TRAF3: variants seen among roughly 807,000 people sequenced by gnomAD.
The protein encoded by TRAF3 is TNF receptor associated factor 3, also known as TNF receptor-associated factor 3.
Under a neutral mutation model 62.3 loss-of-function variants are expected in TRAF3, and 13 were observed. The observed-to-expected ratio is 0.21, with a 90% CI of 0.14 to 0.33. The LOEUF is 0.33. Ranked by LOEUF, TRAF3 falls within the 10% of genes least tolerant of loss-of-function variation. The pLI is 1.00. For missense variants in TRAF3, 440 were observed against 741.8 expected, an observed-to-expected ratio of 0.59 and a Z score of 4.73; for synonymous variants, 269 against 283.4, an observed-to-expected ratio of 0.95 and a Z score of 0.51.
intron 6 of TRAF3, among the ~76,000 whole-genome samples, chr14:102,882,217 A>G (rs1156858121): frequency 3.9e-5 from 6 of 152,240 alleles, no homozygotes; most frequent in Non-Finnish European, 8.8e-5. Flanking sequence ...ACAAGGGAGA[A>G]AGAGAATAGA....
chr14:102,836,196 G>C (rs1885993136), intron 2 of TRAF3, among the ~76,000 whole-genome samples: 1 of 152,224 alleles, frequency 6.6e-6, no homozygotes, highest in Admixed American at 6.5e-5. Context: ...GGCTGGCCAG[G>C]GCCTGTGCAC....
At chr14:102,868,442 G>T (rs956997060) in intron 2 of TRAF3, among the ~76,000 whole-genome samples, 1 of 152,160 alleles carries the variant, frequency 6.6e-6, no homozygotes, top group Non-Finnish European at 1.5e-5. Flanking sequence ...AGGGGCTGTT[G>T]ACAGTGGGGG....
chr14:102,898,014 C>T (rs901215209), intron 10 of TRAF3, among the ~76,000 whole-genome samples: 2 of 152,250 alleles, frequency 1.3e-5, no homozygotes, highest in Non-Finnish European at 2.9e-5. Flanking sequence ...ATGCTCTCTG[C>T]ACATTCACTT....
At position 102,903,576 on chromosome 14, in the gene TRAF3, G is replaced by A; in HGVS notation, c.1135+147G>A. ...TATGGGTAACACGCAGAGGTGTGAT[G>A]ACTTTCCTACTGAAAGTCCCCCAGC... On this transcript the variant is annotated intron_variant, in intron 11 of 11. Coordinates refer to ENST00000392745, the MANE Select transcript of TRAF3 (RefSeq NM_145725.3). The surrounding 1 kb of genome is among the most constrained non-coding windows in gnomAD (Gnocchi z 6.4). 8.3e-7 allele frequency: 1 copy of A among 1,199,214 alleles called. No homozygotes were observed. Among genetic ancestry groups the A allele is most frequent in the Non-Finnish European group, 1.2e-6 (1 of 837,696 alleles). The allele number at this position is 1,199,214 out of a possible 1,614,324, so 74.3% of individuals were successfully genotyped here.
intron 10 of TRAF3, among the ~76,000 whole-genome samples, chr14:102,901,812 C>G (rs1466668396): frequency 1.3e-5 from 2 of 152,194 alleles, no homozygotes; most frequent in Non-Finnish European, 2.9e-5. Context: ...GTGCTGAAAC[C>G]TAGATGTTTA....
chr14:102,822,937 C>T (rs899708060), intron 1 of TRAF3, among the ~76,000 whole-genome samples: 7 of 150,342 alleles, frequency 4.7e-5, no homozygotes, highest in Non-Finnish European at 1.0e-4. Flanking sequence ...ACCCGGGAGG[C>T]AGAGGTTGCG....
chr14:102,875,458 C>T (rs1164372195), intron 4 of TRAF3, among the ~76,000 whole-genome samples, 166 bp from the exon 5 acceptor site: 1 of 150,670 alleles, frequency 6.6e-6, no homozygotes, highest in Non-Finnish European at 1.5e-5. Context: ...GGGGCAGCTT[C>T]TTCATTCTAC....
At chr14:102,840,209 A>G (rs995159516) in intron 2 of TRAF3, among the ~76,000 whole-genome samples, 1 of 152,158 alleles carries the variant, frequency 6.6e-6, no homozygotes. Context: ...AAAAAAATCC[A>G]TGATGAAAAA....
intron 2 of TRAF3, among the ~76,000 whole-genome samples, chr14:102,845,969 C>T (rs530568847): frequency 5.0e-5 from 5 of 100,202 alleles, no homozygotes; most frequent in East Asian, 6.3e-4. Flanking sequence ...TGACAGAGGT[C>T]GACCGTGTCT....
intron 6 of TRAF3, among the ~76,000 whole-genome samples, chr14:102,882,589 A>G (rs1345297851): frequency 7.0e-6 from 1 of 141,986 alleles, no homozygotes; most frequent in Non-Finnish European, 1.5e-5. Context: ...TTTCAATTTG[A>G]ACACCCTTAT....
intron 1 of TRAF3, among the ~76,000 whole-genome samples, chr14:102,824,003 C>G (rs1178604468): frequency 6.6e-6 from 1 of 152,152 alleles, no homozygotes; most frequent in African/African-American, 2.4e-5. Flanking sequence ...ATTTGTTAGT[C>G]CATTGATAGA....
chr14:102,860,652 G>A (rs765096542), intron 2 of TRAF3, among the ~76,000 whole-genome samples: 28 of 152,280 alleles, frequency 1.8e-4, no homozygotes, highest in Non-Finnish European at 3.5e-4. Flanking sequence ...TCAACAAATG[G>A]CACAGGTCAC....
chr14:102,894,304 G>T (rs974740349), intron 9 of TRAF3, among the ~76,000 whole-genome samples: 3 of 152,088 alleles, frequency 2.0e-5, no homozygotes, highest in African/African-American at 7.2e-5. Flanking sequence ...TCCAGCCTGG[G>T]TGACAGAGTG....
chr14:102,792,832 C>G (rs560973509), intron 1 of TRAF3, among the ~76,000 whole-genome samples: 1 of 151,600 alleles, frequency 6.6e-6, no homozygotes, highest in East Asian at 1.9e-4. Flanking sequence ...GAATATTAGT[C>G]TGTAGTTTTC....
intron 6 of TRAF3, among the ~76,000 whole-genome samples, chr14:102,883,795 A>C (rs927915645): frequency 6.6e-6 from 1 of 152,192 alleles, no homozygotes; most frequent in Non-Finnish European, 1.5e-5. Context: ...CATGTTGGCC[A>C]GGCTGGTTTC....
In TRAF3 at chr14:102,910,321, A is replaced by T. The variant is rs1047905675; in HGVS notation, c.*4537A>T. On this transcript the variant is annotated 3_prime_UTR_variant, in exon 12 of 12. Transcript: ENST00000392745. ...GAAGGAGAGCTAGGGAGAGTGGGGG[A>T]AGCCCCCTTGCTTTTGTATCTGTGA... is the stretch of plus-strand genomic sequence containing the variant. The T allele has an allele frequency of 2.0e-5, 3 of 152,250 alleles. No individual in the cohort carries two copies. The highest frequency in any genetic ancestry group is 7.2e-5 in the African/African-American group (3 of 41,474). 9.4% of individuals were successfully genotyped at this position (152,250 alleles called of 1,614,324 possible).
intron 7 of TRAF3, among the ~76,000 whole-genome samples, chr14:102,888,917 C>A (rs567405880): frequency 6.6e-6 from 1 of 152,258 alleles, no homozygotes; most frequent in Non-Finnish European, 1.5e-5. Flanking sequence ...AAACGAGTTA[C>A]CTGCTCCCAG....
In TRAF3 at chr14:102,903,049, C is replaced by T; in HGVS notation, c.961-206C>T. The T allele has an allele frequency of 1.5e-6, 1 of 689,606 alleles. No homozygotes were observed. The highest frequency in any genetic ancestry group is 2.6e-6 in the Non-Finnish European group (1 of 385,730). 42.7% of individuals were successfully genotyped at this position (689,606 alleles called of 1,614,324 possible). On this transcript the variant is annotated intron_variant, in intron 10 of 11. Transcript: ENST00000392745. This position sits in a 1 kb window ranked among gnomAD's most constrained non-coding sequence, Gnocchi z 6.4. ...GTGGCTTCATGTCACCTCGAGTGCT[C>T]CCTGCCGGCACAAGCACTTGATCCC...
In TRAF3 at chr14:102,910,636, C is replaced by T. The variant is rs1310575504; in HGVS notation, c.*4852C>T. 1 of 152,246 alleles carries T rather than the reference C, an allele frequency of 6.6e-6. No individual in the cohort carries two copies. Among genetic ancestry groups the T allele is most frequent in the Non-Finnish European group, 1.5e-5 (1 of 68,066 alleles). The allele number at this position is 152,246 out of a possible 1,614,324, so 9.4% of individuals were successfully genotyped here. A position where few individuals can be genotyped will look rare whatever the true frequency, so the allele number is the denominator to read the frequency against. ...TTTTCCACCTGATCCTGGTGTGCCC[C>T]ACATGCGGTGGCAGGGCAGACGTGT... On this transcript the variant is annotated 3_prime_UTR_variant, in exon 12 of 12. Transcript: ENST00000392745.
Sources: gnomAD v4.1 joint callset for allele counts (sites outside exome capture counted in the v4.1 genomes callset) on GRCh38, gnomAD v4.1.1 for gene constraint, Gnocchi (gnomAD v3.1) non-coding constraint, MANE v1.5 for transcripts, NCBI Gene and HGNC (gene_info 2026-07-23, HGNC 2026-07-21) for gene names.